RGS12: variants seen among roughly 807,000 people sequenced by gnomAD.
The protein encoded by RGS12 is regulator of G-protein signaling 12.
RGS12 carries 66 observed loss-of-function variants against 120.1 expected under a neutral mutation model. The observed-to-expected ratio is 0.55, with a 90% confidence interval of 0.45 to 0.67. The LOEUF (loss-of-function observed/expected upper bound fraction) is 0.67, where lower values mean the gene tolerates loss of function less well. Ranked by LOEUF, RGS12 falls within the 30% of genes least tolerant of loss-of-function variation. The probability of loss-of-function intolerance (pLI) is 0.00; values close to 1 mark genes in which losing one functional copy is unlikely to be tolerated. For synonymous variants in RGS12, 827 were observed against 804.7 expected (o/e 1.03, Z -0.47); for missense variants, 1,859 against 1,957.7 (o/e 0.95, Z 0.95).
At position 3,386,278 on chromosome 4, in the gene RGS12, C is replaced by G. The variant is rs114109921; in HGVS notation, c.1999-138C>G. The G allele has an allele frequency of 9.9e-4, 798 of 804,860 alleles. 7 individuals carry two copies. The highest frequency in any genetic ancestry group is 9.2e-3 in the African/African-American group (536 of 58,128). The allele number at this position is 804,860 out of a possible 1,614,324, so 49.9% of individuals were successfully genotyped here. ...TTGACTCATTGGGCCGTCTGGCTTTCCCGGGACACCTCCACCTGGAGAGTG... is the reference window on the plus strand; with the variant it reads ...TTGACTCATTGGGCCGTCTGGCTTTGCCGGGACACCTCCACCTGGAGAGTG... On this transcript the variant is annotated intron_variant, in intron 3 of 17. Transcript: ENST00000336727.
chr4:3,414,068 G>T lies in RGS12; in HGVS notation c.2021-4G>T. On this transcript the variant is annotated splice_region_variant and splice_polypyrimidine_tract_variant and intron_variant, in intron 4 of 17. Coordinates refer to ENST00000336727, the MANE Select transcript of RGS12 (RefSeq NM_001394154.1). ...TGCAGGTGCTGTCTGTGCTGGTCCC[G>T]CAGAGTTGACGGGCGCCGACCTGAA... 6.4e-7 allele frequency: 1 copy of T among 1,550,940 alleles called. No individual in the cohort carries two copies. Among genetic ancestry groups the T allele is most frequent in the Non-Finnish European group, 8.7e-7 (1 of 1,151,474 alleles).
At chr4:3,301,687 C>CCGAGGGCCGGGGA (rs1723697441) in intron 1 of RGS12, among the ~76,000 whole-genome samples, 2 of 151,158 alleles carry the variant, frequency 1.3e-5, no homozygotes, top group African/African-American at 4.9e-5. Context: ...AGGCCGGGGT[C>CCGAGGGCCGGGGA]TGGGCTGTGC....
intron 2 of RGS12, among the ~76,000 whole-genome samples, chr4:3,331,570 G>A (rs1434559720): frequency 6.6e-6 from 1 of 151,972 alleles, no homozygotes; most frequent in East Asian, 1.9e-4. Context: ...TAGATTTTAC[G>A]CTGCTTTTCC....
chr4:3,379,869 C>T (rs948692933), intron 3 of RGS12, among the ~76,000 whole-genome samples: 4 of 152,108 alleles, frequency 2.6e-5, no homozygotes, highest in Admixed American at 1.3e-4. Flanking sequence ...GGTGACATAG[C>T]GAAACTGCAT....
rs76017913 is a variant in RGS12, at chr4:3,373,823, C to T, written c.1999-12593C>T. ...AGATGCTGGTTGCAGATTCTTCTCTCGTTTTCTGACACTCTGAGTCTCGTC... is the reference window on the plus strand; with the variant it reads ...AGATGCTGGTTGCAGATTCTTCTCTTGTTTTCTGACACTCTGAGTCTCGTC... On this transcript the variant is annotated intron_variant, in intron 3 of 17. Transcript: ENST00000336727. Among the ~76,000 whole-genome samples, 1,296 of 152,332 alleles carry T rather than the reference C, an allele frequency of 8.5e-3. 20 individuals carry two copies. The highest frequency in any genetic ancestry group is 0.03 in the African/African-American group (1,231 of 41,570).
At chr4:3,367,173 C>G (rs1484301764) in intron 3 of RGS12, among the ~76,000 whole-genome samples, 1 of 152,262 alleles carries the variant, frequency 6.6e-6, no homozygotes, top group Non-Finnish European at 1.5e-5. Context: ...CGGTGATATG[C>G]AGGCCTGAGT....
At chr4:3,405,752 G>A (rs1458603048) in intron 4 of RGS12, among the ~76,000 whole-genome samples, 1 of 152,202 alleles carries the variant, frequency 6.6e-6, no homozygotes, top group African/African-American at 2.4e-5. Flanking sequence ...AGGTGTGAAC[G>A]TGTTTAGAGG....
Position 3,423,505 on chromosome 4 carries a change from C to A in RGS12, c.3108-10C>A, listed in dbSNP as rs775199224. 2 of 1,612,736 alleles carry A rather than the reference C, an allele frequency of 1.2e-6. No individual in the cohort carries two copies. The highest frequency in any genetic ancestry group is 1.7e-5 in the Admixed American group (1 of 59,996). On this transcript the variant is annotated splice_polypyrimidine_tract_variant and intron_variant, in intron 12 of 17. Transcript: ENST00000336727. ...ATGAGTTGGTAGTGAATTTTTTCAT[C>A]CCCCACCAGGCTGGATCTTGTTCCG...
intron 15 of RGS12, 79 bp from the exon 16 acceptor site, chr4:3,428,479 C>T: frequency 8.1e-7 from 1 of 1,230,868 alleles, no homozygotes. Context: ...TTCATAGAGC[C>T]TTCTACTCTC....
chr4:3,325,520 T>A (rs1023654657), intron 2 of RGS12, among the ~76,000 whole-genome samples: 2 of 152,186 alleles, frequency 1.3e-5, no homozygotes, highest in Non-Finnish European at 2.9e-5. Flanking sequence ...TGGGTCTGAA[T>A]AACGAGCAGT....
At chr4:3,393,457 C>G (rs1040871655) in intron 4 of RGS12, among the ~76,000 whole-genome samples, 1 of 152,138 alleles carries the variant, frequency 6.6e-6, no homozygotes, top group African/African-American at 2.4e-5. Context: ...CTGGCCTTCC[C>G]CGATTCTGAC....
At chr4:3,350,044 A>G (rs1305896106) in intron 3 of RGS12, among the ~76,000 whole-genome samples, 1 of 152,212 alleles carries the variant, frequency 6.6e-6, no homozygotes, top group Non-Finnish European at 1.5e-5. Context: ...AGAAAAAGCT[A>G]GTCTTCATTT....
intron 3 of RGS12, among the ~76,000 whole-genome samples, chr4:3,375,957 G>A (rs1717644264): frequency 1.3e-5 from 2 of 152,224 alleles, no homozygotes; most frequent in Non-Finnish European, 2.9e-5. Flanking sequence ...GTGCTGGAGG[G>A]CCCTTGGCTT....
intron 1 of RGS12, among the ~76,000 whole-genome samples, chr4:3,294,292 A>C (rs1256161780): frequency 2.0e-5 from 3 of 152,220 alleles, no homozygotes; most frequent in African/African-American, 7.2e-5. Flanking sequence ...CAGCAGCCCC[A>C]CCATTCACAG....
chr4:3,298,496 A>G (rs889823316), intron 1 of RGS12, among the ~76,000 whole-genome samples: 1 of 152,160 alleles, frequency 6.6e-6, no homozygotes, highest in Non-Finnish European at 1.5e-5. Context: ...GAACACAAGC[A>G]TGCACCCCCA....
rs796962110 is a variant in RGS12, at chr4:3,332,220, G to A, written c.1882-10717G>A. 1.2e-4 allele frequency among the ~76,000 whole-genome samples: 18 copies of A among 152,296 alleles called. 1 individual carries two copies. Among genetic ancestry groups the A allele is most frequent in the African/African-American group, 3.1e-4 (13 of 41,556 alleles). On this transcript the variant is annotated intron_variant, in intron 2 of 17. Coordinates refer to ENST00000336727, the MANE Select transcript of RGS12 (RefSeq NM_001394154.1). Reference sequence around the variant, plus strand: ...TGAGACTGTTCAGGGCAAGGTGGCCGCCACATCCCTGCAGAACCGGAAGTG... The same window carrying A: ...TGAGACTGTTCAGGGCAAGGTGGCCACCACATCCCTGCAGAACCGGAAGTG...
At chr4:3,419,699 C>T (rs147011600) in intron 9 of RGS12, among the ~76,000 whole-genome samples, 36 of 151,670 alleles carry the variant, frequency 2.4e-4, no homozygotes, top group Middle Eastern at 6.9e-3. Flanking sequence ...GCACCTGTTG[C>T]CCTAGCTACT....
At position 3,427,144 on chromosome 4, in the gene RGS12, G is replaced by C. The variant is rs113546466; in HGVS notation, c.3332-946G>C. Reference sequence around the variant, plus strand: ...CCCTTTGCTCTAGGGAAAGCCTTACGCTGGGCCCTGACACCCACCCAGGCA... The same window carrying C: ...CCCTTTGCTCTAGGGAAAGCCTTACCCTGGGCCCTGACACCCACCCAGGCA... On this transcript the variant is annotated intron_variant, in intron 14 of 17. Transcript: ENST00000336727. 1.4e-3 allele frequency among the ~76,000 whole-genome samples: 211 copies of C among 152,276 alleles called. 1 individual carries two copies. The highest frequency in any genetic ancestry group is 3.8e-3 in the African/African-American group (158 of 41,562).
At chr4:3,410,075 T>G (rs1179667897) in intron 4 of RGS12, among the ~76,000 whole-genome samples, 1 of 152,212 alleles carries the variant, frequency 6.6e-6, no homozygotes, top group Non-Finnish European at 1.5e-5. Flanking sequence ...TCAGCTAGCC[T>G]TTATTGTCTC....
Sources: gnomAD v4.1 joint callset for allele counts (sites outside exome capture counted in the v4.1 genomes callset) on GRCh38, gnomAD v4.1.1 for gene constraint, MANE v1.5 for transcripts, NCBI Gene and HGNC (gene_info 2026-07-23, HGNC 2026-07-21) for gene names.